Variants in GSDMD observed in about 807,000 individuals in gnomAD.
The protein encoded by GSDMD is gasdermin D, also known as gasdermin-D.
GSDMD carries 46 observed loss-of-function variants against 46.7 expected under a neutral mutation model. The observed-to-expected ratio is 0.99, with a 90% CI of 0.78 to 1.26. The LOEUF (loss-of-function observed/expected upper bound fraction) is 1.26. GSDMD is among the 50% of genes most tolerant of loss of function. The pLI, the probability that GSDMD is intolerant of heterozygous loss-of-function variation, is 0.00. For missense variants in GSDMD, 649 were observed against 638.8 expected, an observed-to-expected ratio of 1.02 and a Z score of -0.17; for synonymous variants, 307 against 283.1, an observed-to-expected ratio of 1.08 and a Z score of -0.85.
At chr8:143,554,654 G>A (rs182656108), upstream of GSDMD, among the ~76,000 whole-genome samples, 28 of 145,770 alleles carry the variant, frequency 1.9e-4, no homozygotes, top group African/African-American at 6.4e-4. Flanking sequence ...CAACACACAC[G>A]TGCATACACA....
rs376510158 is a variant in GSDMD, at chr8:143,559,871, C to T, written c.312C>T (p.Ile104=). 82 of 1,612,654 alleles carry T rather than the reference C, an allele frequency of 5.1e-5. No individual in the cohort carries two copies. Among genetic ancestry groups the T allele is most frequent in the Non-Finnish European group, 6.5e-5 (77 of 1,179,974 alleles). The change falls in exon 3 of 11, where the codon ATC becomes ATT. Residue 104 remains isoleucine, a synonymous_variant. Coordinates refer to ENST00000262580, the MANE Select transcript of GSDMD (RefSeq NM_024736.7). The stretch of plus-strand genomic sequence containing the variant: ...TGGCAGCCCCAGGACAGGCAAAGAT[C>T]GCAGGCGGGGCCGCGGTGTCTGACA... ...VELAAPGQAK[I]AGGAAVSDSS...
chr8:143,561,672 C>T (rs1225972410), intron 6 of GSDMD, 70 bp from the exon 7 acceptor site: 2 of 1,313,694 alleles, frequency 1.5e-6, no homozygotes, highest in African/African-American at 2.9e-5. Flanking sequence ...TGGGGAAGGC[C>T]TCAGCCCTCT....
At position 143,562,760 on chromosome 8, in the gene GSDMD, G is replaced by C; in HGVS notation, c.1311G>C (p.Pro437=). Residue 437 remains proline, a synonymous_variant, in exon 11 of 11, where the codon CCG becomes CCC. Transcript: ENST00000262580. ...GGAACAGCTGGGGCGAAGGAGCACC[G>C]GCCTGGGTCTTGCTGGACGAGTGTG... ...LLGNSWGEGA[P]AWVLLDECGL... 1 of 1,588,130 alleles carries C rather than the reference G, an allele frequency of 6.3e-7. No homozygotes were observed. Among genetic ancestry groups the C allele is most frequent in the South Asian group, 1.1e-5 (1 of 87,926 alleles).
In GSDMD at chr8:143,562,005, A is replaced by T. The variant is rs141951599; in HGVS notation, c.870A>T (p.Leu290=). The change falls in exon 8 of 11, where the codon CTA becomes CTT. Residue 290 remains leucine (L), a synonymous_variant. Transcript: ENST00000262580. ...CGTTCACTGAAGACTTCCAGGGCCT[A>T]CGGGCAGAGGTGGAGACCATCTCCA... ...EGAFTEDFQG[L]RAEVETISKE... is the part of the protein sequence containing the mutation. 1.2e-6 allele frequency: 2 copies of T among 1,605,934 alleles called. No homozygotes were observed. Among genetic ancestry groups the T allele is most frequent in the African/African-American group, 2.7e-5 (2 of 74,970 alleles).
At chr8:143,558,210 C>T (rs1823353532), upstream of GSDMD, 3 of 1,074,658 alleles carry the variant, frequency 2.8e-6, no homozygotes, top group South Asian at 5.1e-5. Context: ...GGATGGGGCG[C>T]CAAGCCAAGG....
At chr8:143,557,463 TGAA>T (rs1563903014), upstream of GSDMD, among the ~76,000 whole-genome samples, 1 of 95,918 alleles carries the variant, frequency 1.0e-5, no homozygotes, top group African/African-American at 4.4e-5. Context: ...GCCGCTATGA[TGAA>T]GGATGATGCC....
At chr8:143,562,187 C>T in intron 8 of GSDMD, 22 bp from the exon 9 acceptor site, 1 of 1,589,716 alleles carries the variant, frequency 6.3e-7, no homozygotes, top group Non-Finnish European at 8.5e-7. Flanking sequence ...GCCAGACTCA[C>T]CTGCCCTTCC....
rs767605223 is a variant in GSDMD, at chr8:143,562,861, C to T, written c.1412C>T (p.Ala471Val). 48 of 1,612,328 alleles carry T rather than the reference C, an allele frequency of 3.0e-5. No homozygotes were observed. Among genetic ancestry groups the T allele is most frequent in the South Asian group, 2.3e-4 (21 of 91,052 alleles). ...CAGGGCCGCATGTGTGCACTCTACG[C>T]CTCCCTGGCACTGCTATCAGGACTG... ...QAQGRMCALY[A>V]SLALLSGLSQ... Residue 471 changes from alanine to valine, a missense_variant, in exon 11 of 11, where the codon GCC becomes GTC. Coordinates refer to ENST00000262580, the MANE Select transcript of GSDMD (RefSeq NM_024736.7).
rs772265737 is a variant in GSDMD, at chr8:143,562,251, G to A, written c.1039G>A (p.Gly347Ser). 51 of 1,560,316 alleles carry A rather than the reference G, an allele frequency of 3.3e-5. No individual in the cohort carries two copies. The South Asian group carries it at 4.2e-4, about 13-fold the overall frequency. ...QSLGPVEPLDGPAGAVLECLV... is the reference protein window; with the variant it reads ...QSLGPVEPLDSPAGAVLECLV... ...CCTTGGGCCGGTGGAGCCCCTGGAC[G>A]GTCCAGCAGGTGCTGTCCTGGAGTG... The change falls in exon 9 of 11, where the codon GGT becomes AGT. Residue 347 changes from glycine (G) to serine (S), a missense_variant. By Grantham distance (56) the Gly-to-Ser change is moderately conservative. Coordinates refer to ENST00000262580, the MANE Select transcript of GSDMD (RefSeq NM_024736.7).
intron 4 of GSDMD, 32 bp from the exon 5 acceptor site, chr8:143,560,970 G>A (rs1023744167): frequency 6.2e-7 from 1 of 1,603,882 alleles, no homozygotes; most frequent in African/African-American, 1.3e-5. Flanking sequence ...CCGGTGCCAG[G>A]GCCCAGCCCC....
chr8:143,562,153 G>A (rs1823478622), intron 8 of GSDMD, 22 bp downstream of exon 8: 1 of 1,597,204 alleles, frequency 6.3e-7, no homozygotes, highest in Non-Finnish European at 8.5e-7. Context: ...AGGGTGCCCG[G>A]GGCACACAAG....
chr8:143,561,619 T>C, intron 6 of GSDMD, 123 bp from the exon 7 acceptor site: 1 of 965,718 alleles, frequency 1.0e-6, no homozygotes. Flanking sequence ...CTTCCTGCCC[T>C]GGGCTGCCAG....
rs1823506625 is a variant in GSDMD at position 143,562,989 on chromosome 8, C to G, written c.*85C>G. 1 of 1,568,532 alleles carries G rather than the reference C, an allele frequency of 6.4e-7. No individual in the cohort carries two copies. The highest frequency in any genetic ancestry group is 8.7e-7 in the Non-Finnish European group (1 of 1,156,064). On this transcript the variant is annotated 3_prime_UTR_variant, in exon 11 of 11. Coordinates refer to ENST00000262580, the MANE Select transcript of GSDMD (RefSeq NM_024736.7). ...GCTAGCCCTAGGAAGGCCAGGAGCC[C>G]AGTAGCCATGTGGCCAGTCTACCAT... is the stretch of plus-strand genomic sequence containing the variant.
upstream of GSDMD, among the ~76,000 whole-genome samples, chr8:143,557,291 A>ATGGCGAAGGATGCTGCCGCTT (rs1823316614): frequency 9.8e-6 from 1 of 101,806 alleles, no homozygotes; most frequent in Non-Finnish European, 2.1e-5. Flanking sequence ...CCTTGCCGCT[A>ATGGCGAAGGATGCTGCCGCTT]TGGCGAAGGA....
intron 3 of GSDMD, 50 bp downstream of exon 3, chr8:143,560,019 A>T (rs1439090424): frequency 1.1e-5 from 15 of 1,394,694 alleles, no homozygotes; most frequent in Non-Finnish European, 1.5e-5. Flanking sequence ...ACCCCAAGCA[A>T]CCCTGCTTTT....
upstream of GSDMD, chr8:143,558,288 G>C (rs951033073): frequency 6.7e-7 from 1 of 1,489,158 alleles, no homozygotes; most frequent in Non-Finnish European, 8.9e-7. Flanking sequence ...AAGGGGGCCG[G>C]GGCGGGCTCT....
chr8:143,561,685 G>A (rs1293639742), intron 6 of GSDMD, 57 bp from the exon 7 acceptor site: 1 of 1,417,248 alleles, frequency 7.1e-7, no homozygotes, highest in African/African-American at 1.4e-5. Flanking sequence ...AGCCCTCTCT[G>A]GCTCAGACAC....
intron 1 of GSDMD, 47 bp from the exon 2 acceptor site, chr8:143,559,285 C>G: frequency 1.7e-5 from 9 of 531,556 alleles, no homozygotes; most frequent in East Asian, 3.7e-5. Context: ...CCCACTCCCT[C>G]CCGCCCGCCC....
intron 1 of GSDMD, 45 bp from the exon 2 acceptor site, chr8:143,559,287 C>A: frequency 6.1e-6 from 4 of 655,678 alleles, no homozygotes; most frequent in South Asian, 1.7e-5. Flanking sequence ...CACTCCCTCC[C>A]GCCCGCCCCG....
Sources: allele counts gnomAD v4.1 joint callset (sites outside exome capture counted in the v4.1 genomes callset), GRCh38; gene constraint gnomAD v4.1.1; transcripts MANE v1.5; gene names NCBI Gene and HGNC (gene_info 2026-07-23, HGNC 2026-07-21).